The following RPAP2 variants were observed in gnomAD, a reference collection of about 807,000 sequenced individuals.
The protein encoded by RPAP2 is putative RNA polymerase II subunit B1 CTD phosphatase RPAP2.
RPAP2 carries 52 observed loss-of-function variants against 73.1 expected under a neutral mutation model. The ratio of observed to expected loss-of-function variants is 0.71; its 90% confidence interval spans 0.57 to 0.90. RPAP2 has a LOEUF of 0.90. Ranked by LOEUF, RPAP2 falls within the 40% of genes least tolerant of loss-of-function variation. The probability of loss-of-function intolerance (pLI) is 0.00; values close to 1 mark genes in which losing one functional copy is unlikely to be tolerated. For synonymous variants in RPAP2, 225 were observed against 242.1 expected (o/e 0.93, Z 0.65); for missense variants, 598 against 701.8 (o/e 0.85, Z 1.67).
rs111650286 is a variant in RPAP2, at chr1:92,358,761, A to G, written c.1688+12847A>G. Among the ~76,000 whole-genome samples the G allele has an allele frequency of 7.8e-3, 1,182 of 152,176 alleles. 6 individuals carry two copies. Among genetic ancestry groups the G allele is most frequent in the African/African-American group, 0.027 (1,133 of 41,502 alleles). On this transcript the variant is annotated intron_variant, in intron 11 of 12. Transcript: ENST00000610020. ...CACCATCCTGCTCAGCTTTAAAAAA[A>G]AAAATTGTAGAGATAGGGGTCTCAC...
At chr1:92,379,630 AG>A (rs1359951329) in intron 11 of RPAP2, among the ~76,000 whole-genome samples, 6 of 152,172 alleles carry the variant, frequency 3.9e-5, no homozygotes, top group Non-Finnish European at 4.4e-5. Context: ...TCATTTATTT[AG>A]TGTTTTAAAA....
intron 11 of RPAP2, among the ~76,000 whole-genome samples, chr1:92,368,794 G>A (rs1026863806): frequency 6.6e-6 from 1 of 152,202 alleles, no homozygotes; most frequent in East Asian, 1.9e-4. Context: ...CTTTTGATGT[G>A]TAGCATATGT....
At chr1:92,352,167 T>G (rs1176047279) in intron 11 of RPAP2, among the ~76,000 whole-genome samples, 3 of 152,238 alleles carry the variant, frequency 2.0e-5, no homozygotes, top group Admixed American at 2.0e-4. Context: ...ACTGGCTGTT[T>G]CCAGTGAACT....
rs531745273 is a variant in RPAP2, at chr1:92,304,049, C to G, written c.307C>G (p.Pro103Ala). 1.6e-5 allele frequency: 26 copies of G among 1,611,768 alleles called. No individual in the cohort carries two copies. The South Asian group carries it at 2.4e-4, about 15-fold the overall frequency. The change falls in exon 4 of 13, where the codon CCT (proline) becomes GCT (alanine). Residue 103 changes from proline (P) to alanine (A), a missense_variant. Physicochemically the swap from Pro to Ala is conservative, Grantham distance 27. Coordinates refer to ENST00000610020, the MANE Select transcript of RPAP2 (RefSeq NM_024813.3). ...TTCTATTGTCAAACTCTGTGGTTAT[C>G]CTTTATGTCAGAAGAAGCTGGGAAT... ...ERSIVKLCGY[P>A]LCQKKLGIVP... is the part of the protein sequence containing the mutation.
At chr1:92,361,560 A>G (rs1260840245) in intron 11 of RPAP2, among the ~76,000 whole-genome samples, 1 of 152,168 alleles carries the variant, frequency 6.6e-6, no homozygotes, top group East Asian at 1.9e-4. Flanking sequence ...ATAGAGATGT[A>G]ATCTGTATAA....
chr1:92,315,783 A>G (rs1651873231), intron 6 of RPAP2, among the ~76,000 whole-genome samples: 1 of 152,212 alleles, frequency 6.6e-6, no homozygotes, highest in Non-Finnish European at 1.5e-5. Context: ...TCTTTAAGGT[A>G]TGTAAAATAT....
intron 6 of RPAP2, among the ~76,000 whole-genome samples, chr1:92,315,817 G>A (rs2101144941): frequency 6.6e-6 from 1 of 152,246 alleles, no homozygotes; most frequent in East Asian, 1.9e-4. Context: ...GTAATGTCAT[G>A]GAGACTAACA....
chr1:92,361,956 A>G (rs1654754324), intron 11 of RPAP2, among the ~76,000 whole-genome samples: 2 of 152,214 alleles, frequency 1.3e-5, no homozygotes, highest in African/African-American at 4.8e-5. Flanking sequence ...CATCACAGAT[A>G]CAATTCTGGA....
At chr1:92,319,998 CAAA>C (rs565464720) in intron 6 of RPAP2, among the ~76,000 whole-genome samples, 4 of 90,300 alleles carry the variant, frequency 4.4e-5, no homozygotes, top group African/African-American at 4.2e-5. Flanking sequence ...AACTCCATCT[CAAA>C]AAAAAAAAAA....
chr1:92,316,977 T>C (rs1172601286), intron 6 of RPAP2, among the ~76,000 whole-genome samples: 2 of 152,200 alleles, frequency 1.3e-5, no homozygotes, highest in African/African-American at 4.8e-5. Flanking sequence ...GTTTAGTTCT[T>C]AGAAAAATTA....
intron 6 of RPAP2, among the ~76,000 whole-genome samples, chr1:92,319,124 A>G (rs1432276336): frequency 1.3e-5 from 2 of 152,210 alleles, no homozygotes; most frequent in Non-Finnish European, 2.9e-5. Context: ...ATGCCTTTAT[A>G]TACAGACTGT....
chr1:92,371,717 A>G (rs894759000), intron 11 of RPAP2, among the ~76,000 whole-genome samples: 2 of 151,502 alleles, frequency 1.3e-5, no homozygotes, highest in Non-Finnish European at 2.9e-5. Flanking sequence ...AATCTCACTT[A>G]TATGTGGAAT....
chr1:92,312,038 C>T (rs1001874941), intron 6 of RPAP2, among the ~76,000 whole-genome samples: 1 of 152,148 alleles, frequency 6.6e-6, no homozygotes, highest in East Asian at 1.9e-4. Flanking sequence ...CTGCACTGAT[C>T]GACTTCCTTT....
chr1:92,328,956 G>A (rs1053181528), intron 8 of RPAP2, among the ~76,000 whole-genome samples: 9 of 152,160 alleles, frequency 5.9e-5, no homozygotes, highest in South Asian at 2.1e-4. Context: ...GGCTTCTGGC[G>A]GGTACTAGGG....
rs916382901 is a variant in RPAP2, at chr1:92,299,108, G to A, written c.35G>A (p.Arg12His). 7 of 1,520,686 alleles carry A rather than the reference G, an allele frequency of 4.6e-6. No individual in the cohort carries two copies. The highest frequency in any genetic ancestry group is 1.4e-5 in the African/African-American group (1 of 71,438). 94.2% of individuals were successfully genotyped at this position (1,520,686 alleles called of 1,614,324 possible). ...ADFAGPSSAG[R>H]KAGAPRCSRK... Reference sequence around the variant, plus strand: ...TTCGCTGGGCCGTCTTCTGCCGGCCGCAAGGCCGGGGCTCCCCGCTGCTCT... The same window carrying A: ...TTCGCTGGGCCGTCTTCTGCCGGCCACAAGGCCGGGGCTCCCCGCTGCTCT... Residue 12 changes from arginine (R) to histidine (H), a missense_variant, in exon 1 of 13, where the codon CGC (arginine) becomes CAC (histidine). Around this residue, in one of 3 missense-constraint regions of RPAP2, gnomAD observed 77 missense variants for 55.7 expected, o/e 1.38. Transcript: ENST00000610020.
rs1819256 is a variant in RPAP2 at position 92,395,598 on chromosome 1, C to T, written c.*8587C>T. 15,547 of 146,458 alleles carry T rather than the reference C, an allele frequency of 0.11. 2,396 individuals are homozygous for T. The highest frequency in any genetic ancestry group is 0.35 in the African/African-American group (13,738 of 39,314). 9.1% of individuals were successfully genotyped at this position (146,458 alleles called of 1,614,324 possible). A position where few individuals can be genotyped will look rare whatever the true frequency, so the allele number is the denominator to read the frequency against. On this transcript the variant is annotated 3_prime_UTR_variant, in exon 13 of 13. Coordinates refer to ENST00000610020, the MANE Select transcript of RPAP2 (RefSeq NM_024813.3). The stretch of plus-strand genomic sequence containing the variant: ...TTGCAGTGAGCCAAGATCACACCAC[C>T]GCACTAGAGCCTGGGTGACAGAGTG...
intron 11 of RPAP2, among the ~76,000 whole-genome samples, chr1:92,376,575 T>C (rs1159279794): frequency 2.6e-5 from 4 of 152,332 alleles, no homozygotes; most frequent in African/African-American, 9.6e-5. Context: ...CAAGTTGATA[T>C]TCTTGTCTCC....
chr1:92,385,455 A>G (rs144396896), intron 12 of RPAP2, among the ~76,000 whole-genome samples: 56 of 152,312 alleles, frequency 3.7e-4, no homozygotes, highest in African/African-American at 1.3e-3. Flanking sequence ...TTACTTTGTC[A>G]GTATTATAAA....
intron 6 of RPAP2, among the ~76,000 whole-genome samples, chr1:92,310,838 A>T (rs182524474): frequency 1.9e-4 from 29 of 152,062 alleles, no homozygotes; most frequent in Admixed American, 1.7e-3. Flanking sequence ...CAGAGGTTGC[A>T]GTGAGCCGAG....
Sources: gnomAD v4.1 joint callset for allele counts (sites outside exome capture counted in the v4.1 genomes callset) on GRCh38, gnomAD v4.1.1 for gene constraint, gnomAD v4.1.1 regional missense constraint, MANE v1.5 for transcripts, NCBI Gene and HGNC (gene_info 2026-07-23, HGNC 2026-07-21) for gene names.